JADE3: variants seen among roughly 807,000 people sequenced by gnomAD.
JADE3 encodes jade family PHD finger 3.
Under a neutral mutation model 50.1 loss-of-function variants are expected in JADE3, and 2 were observed. The observed-to-expected ratio is 0.04, with a 90% CI of 0.02 to 0.13. The LOEUF is 0.13. JADE3 is among the 10% of genes least tolerant of loss of function. The pLI is 1.00. For synonymous variants in JADE3, 218 were observed against 232.9 expected (o/e 0.94, Z 0.58); for missense variants, 475 against 634.4 (o/e 0.75, Z 2.70).
In JADE3 at chrX:47,054,477, A is replaced by G; in HGVS notation, c.1292A>G (p.Tyr431Cys). The change falls in exon 9 of 11, where the codon TAT (tyrosine) becomes TGT (cysteine). Residue 431 changes from tyrosine (Y) to cysteine (C), a missense_variant. By Grantham distance (194) the Tyr-to-Cys change is radical. Coordinates refer to ENST00000614628, the MANE Select transcript of JADE3 (RefSeq NM_014735.5). ...GMPTLAVDFI[Y>C]NYWKLKRKSN... is the part of the protein sequence containing the mutation. The stretch of plus-strand genomic sequence containing the variant: ...CCCACGCTAGCTGTGGACTTTATCT[A>G]TAACTACTGGAAACTGAAGCGGAAA... 1 of 1,211,119 alleles carries G rather than the reference A, an allele frequency of 8.3e-7. No individual in the cohort carries two copies. Among genetic ancestry groups the G allele is most frequent in the South Asian group, 1.8e-5 (1 of 57,003 alleles).
At chrX:46,940,814 G>A (rs1488084632) in intron 1 of JADE3, among the ~76,000 whole-genome samples, 1 of 111,543 alleles carries the variant, frequency 9.0e-6, no homozygotes, top group Non-Finnish European at 1.9e-5. Context: ...TCTACACTAC[G>A]TATACATTTA....
intron 1 of JADE3, among the ~76,000 whole-genome samples, chrX:46,932,139 C>G (rs1926511079): frequency 8.9e-6 from 1 of 112,320 alleles, no homozygotes; most frequent in African/African-American, 3.2e-5. Flanking sequence ...AACTAGTCCC[C>G]TGTTAATAGA....
chrX:46,971,240 C>T (rs927458735), intron 1 of JADE3, among the ~76,000 whole-genome samples: 11 of 105,309 alleles, frequency 1.0e-4, no homozygotes, highest in Non-Finnish European at 1.6e-4. Context: ...CTCAGCCTCC[C>T]GAGTAAGTGG....
At position 47,039,045 on chromosome X, in the gene JADE3, A is replaced by C; in HGVS notation, c.952A>C (p.Lys318Gln). Residue 318 changes from lysine to glutamine, a missense_variant, in exon 8 of 11, where the codon AAG becomes CAG. Transcript: ENST00000614628. ...CTTAGTCTGCAACTTGTGCAAGTTG[A>C]AGACGGGGGCTTGTATTCAGGTAAG... ...WALVCNLCKLKTGACIQCSIK... is the reference protein window; with the variant it reads ...WALVCNLCKLQTGACIQCSIK... The C allele has an allele frequency of 8.6e-7, 1 of 1,156,105 alleles. No homozygotes were observed. The highest frequency in any genetic ancestry group is 1.2e-6 in the Non-Finnish European group (1 of 847,425).
chrX:47,052,931 C>G (rs150711713), intron 8 of JADE3, among the ~76,000 whole-genome samples: 6,378 of 107,140 alleles, frequency 0.06, 472 homozygotes, highest in African/African-American at 0.2. Context: ...TGGCACATGC[C>G]TGTAATCCCA....
intron 6 of JADE3, among the ~76,000 whole-genome samples, chrX:47,031,273 T>C (rs782696174): frequency 9.0e-6 from 1 of 111,421 alleles, no homozygotes; most frequent in South Asian, 3.8e-4. Context: ...TTTCATTTCC[T>C]AGCAAACATT....
intron 4 of JADE3, among the ~76,000 whole-genome samples, chrX:47,012,072 T>C (rs1928574593): frequency 8.9e-6 from 1 of 111,867 alleles, no homozygotes; most frequent in Admixed American, 9.5e-5. Flanking sequence ...CATTTTTTAA[T>C]ACTGCATCCA....
At chrX:46,941,051 A>G (rs1284757382) in intron 1 of JADE3, among the ~76,000 whole-genome samples, 1 of 110,443 alleles carries the variant, frequency 9.1e-6, no homozygotes, top group African/African-American at 3.3e-5. Context: ...GGCAGTGAGC[A>G]TAGTACCTGA....
At chrX:47,024,671 C>T (rs1928868557) in intron 4 of JADE3, 53 bp from the exon 5 acceptor site, 1 of 845,147 alleles carries the variant, frequency 1.2e-6, no homozygotes, top group Non-Finnish European at 1.7e-6. Context: ...CATTCAGTGC[C>T]TGAAATCTGT....
chrX:46,966,110 C>G (rs1265794428), intron 1 of JADE3, among the ~76,000 whole-genome samples: 1 of 111,739 alleles, frequency 8.9e-6, no homozygotes, highest in Non-Finnish European at 1.9e-5. Context: ...ACTGACAGGG[C>G]TTAATAATTG....
intron 3 of JADE3, among the ~76,000 whole-genome samples, chrX:46,988,260 C>T (rs1005973381): frequency 2.7e-5 from 3 of 111,070 alleles, no homozygotes; most frequent in Admixed American, 1.9e-4. Flanking sequence ...TAATCAAGCA[C>T]GTCGGGGAAG....
intron 1 of JADE3, among the ~76,000 whole-genome samples, chrX:46,914,393 C>A (rs1161993299): frequency 8.9e-6 from 1 of 111,997 alleles, no homozygotes; most frequent in Admixed American, 9.4e-5. Context: ...TCTTCGGATA[C>A]GTAAAAATAG....
At chrX:47,029,772 T>C (rs782080863) in intron 6 of JADE3, among the ~76,000 whole-genome samples, 2 of 111,965 alleles carry the variant, frequency 1.8e-5, no homozygotes, top group East Asian at 5.6e-4. Context: ...TATCAGACTT[T>C]AAGTGAGAGC....
At chrX:47,016,336 T>C (rs116261091) in intron 4 of JADE3, among the ~76,000 whole-genome samples, 1,858 of 111,815 alleles carry the variant, frequency 0.017, 36 homozygotes, top group African/African-American at 0.058. Flanking sequence ...ACCTTATTGG[T>C]TTTATTCACC....
intron 5 of JADE3, 24 bp from the exon 6 acceptor site, chrX:47,027,868 T>C: frequency 2.6e-6 from 3 of 1,175,832 alleles, no homozygotes; most frequent in Non-Finnish European, 2.3e-6. Context: ...GATGGGTTGA[T>C]TGATTGTTTG....
At position 46,936,030 on chromosome X, in the gene JADE3, T is replaced by C. The variant is rs1413560901; in HGVS notation, c.-12+23311T>C. Among the ~76,000 whole-genome samples the C allele has an allele frequency of 1.3e-3, 136 of 102,399 alleles. 3 individuals are homozygous for C. Among genetic ancestry groups the C allele is most frequent in the African/African-American group, 4.5e-3 (124 of 27,746 alleles). 88.9% of individuals were successfully genotyped at this position (102,399 alleles called of 115,157 possible). On this transcript the variant is annotated intron_variant, in intron 1 of 10. Coordinates refer to ENST00000614628, the MANE Select transcript of JADE3 (RefSeq NM_014735.5). ...TTGAATACATTGATTTTTTTTTTTT[T>C]TTTTTTGAGATAGAGTCTCACTCTG...
intron 4 of JADE3, among the ~76,000 whole-genome samples, chrX:47,021,937 T>A (rs1198261140): frequency 8.9e-6 from 1 of 112,378 alleles, no homozygotes; most frequent in Non-Finnish European, 1.9e-5. Context: ...AAGTTCTAGT[T>A]TCATTTTTCA....
chrX:46,995,890 T>C (rs1928117179), intron 3 of JADE3, among the ~76,000 whole-genome samples: 1 of 112,084 alleles, frequency 8.9e-6, no homozygotes, highest in African/African-American at 3.2e-5. Flanking sequence ...GCTTGTAAAA[T>C]TGAAATCAGG....
intron 1 of JADE3, among the ~76,000 whole-genome samples, chrX:46,967,898 G>C (rs1927401257): frequency 8.9e-6 from 1 of 112,340 alleles, no homozygotes; most frequent in African/African-American, 3.2e-5. Context: ...ACTAGAAAAT[G>C]CAAGGACTGA....
Sources: gnomAD v4.1 joint callset for allele counts (sites outside exome capture counted in the v4.1 genomes callset) on GRCh38, gnomAD v4.1.1 for gene constraint, MANE v1.5 for transcripts, NCBI Gene and HGNC (gene_info 2026-07-23, HGNC 2026-07-21) for gene names.